SDK2: variants seen among roughly 807,000 people sequenced by gnomAD.
SDK2 encodes sidekick cell adhesion molecule 2, also known as protein sidekick-2.
A neutral mutation model predicts 253.9 loss-of-function variants in SDK2; 105 were observed. The ratio of observed to expected loss-of-function variants is 0.41; its 90% CI spans 0.35 to 0.49. The LOEUF is 0.49. Among genes scored for constraint, SDK2 ranks in the 20% least tolerant of loss-of-function variants. The pLI, the probability that SDK2 is intolerant of heterozygous loss-of-function variation, is 0.06. For missense variants in SDK2, 2,608 were observed against 3,003.0 expected (o/e 0.87, Z 3.07); for synonymous variants, 1,249 against 1,234.9 (o/e 1.01, Z -0.24).
intron 1 of SDK2, among the ~76,000 whole-genome samples, chr17:73,621,833 T>C (rs1051290794): frequency 1.3e-5 from 2 of 151,988 alleles, no homozygotes; most frequent in African/African-American, 4.8e-5. Flanking sequence ...TAGGTGTTAG[T>C]GAAGCTCAAG....
rs914205310 is a variant in SDK2, at chr17:73,368,432, G to T, written c.5142C>A (p.Pro1714=). 1 of 1,588,664 alleles carries T rather than the reference G, an allele frequency of 6.3e-7. No homozygotes were observed. The highest frequency in any genetic ancestry group is 8.6e-7 in the Non-Finnish European group (1 of 1,167,946). The change falls in exon 37 of 45, where the codon CCC becomes CCA. Residue 1714 remains proline, a synonymous_variant. Coordinates refer to ENST00000392650, the MANE Select transcript of SDK2 (RefSeq NM_001144952.2). ...NAAGDGPRST[P]TQGQTQQAAP... ...CTGCTTGCTGGGTCTGGCCTTGGGT[G>T]GGGGTGCTCCGAGGCCCATCCCCAG...
chr17:73,571,662 T>A (rs942828330), intron 1 of SDK2, among the ~76,000 whole-genome samples: 2 of 152,182 alleles, frequency 1.3e-5, no homozygotes, highest in Non-Finnish European at 2.9e-5. Flanking sequence ...CCTCCTCGGG[T>A]GTGGGGCATG....
intron 2 of SDK2, among the ~76,000 whole-genome samples, chr17:73,489,207 G>A (rs1311019969): frequency 1.3e-5 from 2 of 152,180 alleles, no homozygotes; most frequent in Admixed American, 1.3e-4. Flanking sequence ...GAAATGCACT[G>A]TTCCCCAGCT....
chr17:73,427,086 TA>T (rs746271137), intron 12 of SDK2, among the ~76,000 whole-genome samples: 1 of 149,712 alleles, frequency 6.7e-6, no homozygotes, highest in African/African-American at 2.5e-5. Context: ...CTCCATCTCA[TA>T]AAAAAAAAGA....
intron 1 of SDK2, among the ~76,000 whole-genome samples, chr17:73,564,713 T>A (rs911486258): frequency 6.6e-6 from 1 of 152,130 alleles, no homozygotes; most frequent in Non-Finnish European, 1.5e-5. Flanking sequence ...CAGTCCCATC[T>A]ACTCGGGAGG....
rs910567971 is a variant in SDK2, at chr17:73,618,795, T to C, written c.64+25230A>G. 2.0e-5 allele frequency among the ~76,000 whole-genome samples: 3 copies of C among 152,188 alleles called. No individual in the cohort carries two copies. The highest frequency in any genetic ancestry group is 4.4e-5 in the Non-Finnish European group (3 of 68,022). On this transcript the variant is annotated intron_variant, in intron 1 of 44. Coordinates refer to ENST00000392650, the MANE Select transcript of SDK2 (RefSeq NM_001144952.2). The surrounding 1 kb of genome is among the most constrained non-coding windows in gnomAD (Gnocchi z 4.1). ...GATGGACAGGTGGAGGGTCTGTGTC[T>C]GGCACAGCAGAGCAAATGCCTACCA... is the stretch of plus-strand genomic sequence containing the variant.
At chr17:73,493,806 G>A (rs953421617) in intron 2 of SDK2, among the ~76,000 whole-genome samples, 1 of 152,232 alleles carries the variant, frequency 6.6e-6, no homozygotes, top group African/African-American at 2.4e-5. Context: ...CCAGAGCTGT[G>A]CATGGGCACA....
At chr17:73,400,923 C>T (rs1035500257) in intron 21 of SDK2, 97 bp downstream of exon 21, 5 of 1,220,064 alleles carry the variant, frequency 4.1e-6, no homozygotes, top group African/African-American at 1.5e-5. Flanking sequence ...GCTGGGACTA[C>T]AGGCATGAGC....
chr17:73,539,759 C>G (rs1476550992), intron 1 of SDK2, among the ~76,000 whole-genome samples: 1 of 152,158 alleles, frequency 6.6e-6, no homozygotes, highest in Admixed American at 6.5e-5. Flanking sequence ...CAAAGGTGGC[C>G]CCTAATACAA....
chr17:73,586,312 A>G (rs1394163352), intron 1 of SDK2, among the ~76,000 whole-genome samples: 1 of 151,936 alleles, frequency 6.6e-6, no homozygotes, highest in East Asian at 1.9e-4. Flanking sequence ...TATTCTCTTC[A>G]AAAGGAAGGG....
chr17:73,345,898 A>C (rs992053061), intron 44 of SDK2, among the ~76,000 whole-genome samples: 2 of 152,160 alleles, frequency 1.3e-5, no homozygotes, highest in African/African-American at 4.8e-5. Context: ...TCGGTGCATA[A>C]TAAATAGTAC....
At chr17:73,339,002 G>C in intron 44 of SDK2, 62 bp from the exon 45 acceptor site, 1 of 1,433,368 alleles carries the variant, frequency 7.0e-7, no homozygotes, top group Middle Eastern at 1.8e-4. Flanking sequence ...TTGTGGTTGG[G>C]GCCGGAAGGC....
At chr17:73,438,348 AG>A (rs1481295535) in intron 6 of SDK2, among the ~76,000 whole-genome samples, 194 bp from the exon 7 acceptor site, 2 of 152,130 alleles carry the variant, frequency 1.3e-5, no homozygotes, top group African/African-American at 2.4e-5. Context: ...TCTTCTATAA[AG>A]TGGGCGCATC....
chr17:73,480,527 C>G (rs1357399903), intron 2 of SDK2, among the ~76,000 whole-genome samples: 1 of 152,176 alleles, frequency 6.6e-6, no homozygotes, highest in Non-Finnish European at 1.5e-5. Context: ...AGGGTTGAGG[C>G]AAACAGAGCT....
chr17:73,471,647 G>A (rs530061407), intron 3 of SDK2, among the ~76,000 whole-genome samples: 1 of 152,252 alleles, frequency 6.6e-6, no homozygotes, highest in Admixed American at 6.5e-5. Flanking sequence ...TGGGAAGTCT[G>A]CTGAGAAGAG....
chr17:73,415,061 T>A (rs2063169308), intron 17 of SDK2, among the ~76,000 whole-genome samples: 1 of 152,104 alleles, frequency 6.6e-6, no homozygotes, highest in Non-Finnish European at 1.5e-5. Context: ...TTTCATGATC[T>A]ACTTAACATG....
At chr17:73,635,598 C>T (rs149058972) in intron 1 of SDK2, among the ~76,000 whole-genome samples, 4,063 of 152,262 alleles carry the variant, frequency 0.027, 109 homozygotes, top group Admixed American at 0.096. Context: ...CCTGAATGAG[C>T]CTCATTATGG....
intron 18 of SDK2, among the ~76,000 whole-genome samples, chr17:73,411,957 T>TATATATATATACGTATATATATATCTAC (rs1555764184): frequency 8.4e-5 from 7 of 83,140 alleles, no homozygotes; most frequent in Admixed American, 7.2e-4. Context: ...TGTTTGTGTA[T>TATATATATATACGTATATATATATCTAC]ATATATATAT....
chr17:73,341,093 G>A (rs1401381601), intron 44 of SDK2, among the ~76,000 whole-genome samples: 5 of 149,814 alleles, frequency 3.3e-5, no homozygotes, highest in African/African-American at 9.9e-5. Flanking sequence ...TTGTTGCCTA[G>A]GCTGGTCTCA....
Sources: gnomAD v4.1 joint callset for allele counts (sites outside exome capture counted in the v4.1 genomes callset) on GRCh38, gnomAD v4.1.1 for gene constraint, Gnocchi (gnomAD v3.1) non-coding constraint, MANE v1.5 for transcripts, NCBI Gene and HGNC (gene_info 2026-07-23, HGNC 2026-07-21) for gene names.